PCDHGA2: variants seen among roughly 807,000 people sequenced by gnomAD.
The protein encoded by PCDHGA2 is protocadherin gamma-A2.
PCDHGA2 carries 40 observed loss-of-function variants against 59.2 expected under a neutral mutation model. That is an observed-to-expected ratio of 0.68 (90% CI 0.52 to 0.88). The LOEUF (loss-of-function observed/expected upper bound fraction) is 0.88, where lower values mean the gene tolerates loss of function less well. Ranked by LOEUF, PCDHGA2 falls within the 40% of genes least tolerant of loss-of-function variation. The pLI, the probability that PCDHGA2 is intolerant of heterozygous loss-of-function variation, is 0.00. For synonymous variants in PCDHGA2, 560 were observed against 526.0 expected (o/e 1.06, Z -0.89); for missense variants, 1,226 against 1,204.0 (o/e 1.02, Z -0.27).
In PCDHGA2 at chr5:141,476,628, C is replaced by T. The variant is rs899753438; in HGVS notation, c.2425-18179C>T. 6.2e-6 allele frequency: 10 copies of T among 1,614,160 alleles called. No individual in the cohort carries two copies. The highest frequency in any genetic ancestry group is 7.6e-6 in the Non-Finnish European group (9 of 1,180,068). On this transcript the variant is annotated intron_variant, in intron 1 of 3. Coordinates refer to ENST00000394576, the MANE Select transcript of PCDHGA2 (RefSeq NM_018915.4). The surrounding 1 kb of genome is among the most constrained non-coding windows in gnomAD (Gnocchi z 7.6). ...GATGTGGGAAGCAACTCTTTACAAACCTATGAGCTGAGCCGAAATGAATAC... is the reference window on the plus strand; with the variant it reads ...GATGTGGGAAGCAACTCTTTACAAATCTATGAGCTGAGCCGAAATGAATAC...
Sources: gnomAD v4.1 joint callset for allele counts on GRCh38, gnomAD v4.1.1 for gene constraint, Gnocchi (gnomAD v3.1) non-coding constraint, MANE v1.5 for transcripts, NCBI Gene and HGNC (gene_info 2026-07-23, HGNC 2026-07-21) for gene names.